Variants in DTNA observed in about 807,000 individuals in gnomAD.
DTNA encodes dystrobrevin alpha.
A neutral mutation model predicts 100.7 loss-of-function variants in DTNA; 43 were observed. The ratio of observed to expected loss-of-function variants is 0.43; its 90% CI spans 0.33 to 0.55. The LOEUF (loss-of-function observed/expected upper bound fraction) is 0.55, where lower values mean the gene tolerates loss of function less well. Among genes scored for constraint, DTNA ranks in the 20% least tolerant of loss-of-function variants. The probability of loss-of-function intolerance (pLI) is 0.04; values close to 1 mark genes in which losing one functional copy is unlikely to be tolerated. For synonymous variants in DTNA, 349 were observed against 347.9 expected, an observed-to-expected ratio of 1.00 and a Z score of -0.04; for missense variants, 798 against 953.9, an observed-to-expected ratio of 0.84 and a Z score of 2.15.
intron 1 of DTNA, among the ~76,000 whole-genome samples, chr18:34,712,572 A>T (rs1357100398): frequency 2.0e-5 from 3 of 152,182 alleles, no homozygotes; most frequent in Non-Finnish European, 2.9e-5. Flanking sequence ...TTTAACAGAG[A>T]TCACAAGATG....
chr18:34,802,685 T>C (rs1404401130), intron 4 of DTNA, among the ~76,000 whole-genome samples: 2 of 152,232 alleles, frequency 1.3e-5, no homozygotes, highest in African/African-American at 4.8e-5. Context: ...CTTTTCACTT[T>C]GGGTTTCATA....
chr18:34,695,277 T>C (rs1304408425), intron 1 of DTNA, among the ~76,000 whole-genome samples: 1 of 152,168 alleles, frequency 6.6e-6, no homozygotes, highest in African/African-American at 2.4e-5. Flanking sequence ...TGTGTAAAGT[T>C]GTAACTGCAA....
intron 1 of DTNA, among the ~76,000 whole-genome samples, chr18:34,572,180 A>T (rs1013104049): frequency 6.6e-6 from 1 of 152,192 alleles, no homozygotes; most frequent in Non-Finnish European, 1.5e-5. Flanking sequence ...ATTTAGATAA[A>T]CAGATGCTCA....
intron 1 of DTNA, among the ~76,000 whole-genome samples, chr18:34,734,150 G>A (rs1416175310): frequency 6.6e-6 from 1 of 152,138 alleles, no homozygotes; most frequent in Non-Finnish European, 1.5e-5. Flanking sequence ...TATAGGTCTA[G>A]AAGCAAACAG....
intron 1 of DTNA, among the ~76,000 whole-genome samples, chr18:34,590,213 G>C (rs1054681518): frequency 4.6e-5 from 7 of 152,068 alleles, no homozygotes; most frequent in African/African-American, 9.7e-5. Context: ...TTTGTCTGTA[G>C]AGCCCCTGTT....
At chr18:34,781,436 A>G (rs1350312407) in intron 3 of DTNA, among the ~76,000 whole-genome samples, 1 of 152,190 alleles carries the variant, frequency 6.6e-6, no homozygotes, top group Non-Finnish European at 1.5e-5. Context: ...TGAAATATAC[A>G]TTATTAACTT....
chr18:34,544,307 TTAAA>T (rs1423079563), intron 1 of DTNA, among the ~76,000 whole-genome samples: 1 of 152,018 alleles, frequency 6.6e-6, no homozygotes, highest in African/African-American at 2.4e-5. Context: ...AAGTCTATGA[TTAAA>T]TAAATATGTT....
chr18:34,879,294 TAA>T (rs1289494440), intron 19 of DTNA, among the ~76,000 whole-genome samples: 5 of 152,348 alleles, frequency 3.3e-5, no homozygotes, highest in East Asian at 1.9e-4. Flanking sequence ...CTTAAAGAGT[TAA>T]GTCAGTTACT....
intron 13 of DTNA, among the ~76,000 whole-genome samples, chr18:34,839,523 G>T (rs1245145640): frequency 6.6e-6 from 1 of 152,164 alleles, no homozygotes; most frequent in African/African-American, 2.4e-5. Flanking sequence ...ATTGGTTAAA[G>T]TTACTTGATA....
intron 3 of DTNA, among the ~76,000 whole-genome samples, chr18:34,784,375 G>A (rs1352876846): frequency 6.6e-6 from 1 of 152,106 alleles, no homozygotes; most frequent in East Asian, 1.9e-4. Flanking sequence ...AATTTCTCTG[G>A]TTCTAGGTCA....
intron 1 of DTNA, among the ~76,000 whole-genome samples, chr18:34,713,783 C>T (rs1400862983): frequency 6.6e-6 from 1 of 151,950 alleles, no homozygotes; most frequent in Non-Finnish European, 1.5e-5. Context: ...TGTTTGTATC[C>T]TCTTTTATTT....
chr18:34,586,236 C>T (rs1290946462), intron 1 of DTNA, among the ~76,000 whole-genome samples: 1 of 152,088 alleles, frequency 6.6e-6, no homozygotes. Context: ...TTGTCCCCAC[C>T]AAAACTCATG....
chr18:34,628,061 G>A (rs2057573988), intron 1 of DTNA, among the ~76,000 whole-genome samples: 1 of 152,126 alleles, frequency 6.6e-6, no homozygotes, highest in South Asian at 2.1e-4. Flanking sequence ...AAAGTGCTGG[G>A]ATTACAGGCA....
chr18:34,700,671 A>G (rs1483805595), intron 1 of DTNA, among the ~76,000 whole-genome samples: 1 of 152,136 alleles, frequency 6.6e-6, no homozygotes, highest in Admixed American at 6.5e-5. Flanking sequence ...CTGAAATCCT[A>G]CTAGGCTCAT....
intron 1 of DTNA, among the ~76,000 whole-genome samples, chr18:34,739,674 AATAG>A (rs2090274605): frequency 6.6e-6 from 1 of 152,190 alleles, no homozygotes; most frequent in South Asian, 2.1e-4. Flanking sequence ...GGCTCAAAGA[AATAG>A]ATCTCTAAAT....
chr18:34,741,058 G>A (rs17643304), intron 1 of DTNA, among the ~76,000 whole-genome samples: 9,186 of 152,144 alleles, frequency 0.06, 357 homozygotes, highest in Non-Finnish European at 0.082. Flanking sequence ...TTGTGTTCTC[G>A]TTCTCTGCGC....
At chr18:34,886,784 A>G (rs181663615) in intron 22 of DTNA, among the ~76,000 whole-genome samples, 2 of 152,358 alleles carry the variant, frequency 1.3e-5, no homozygotes, top group East Asian at 1.9e-4. Flanking sequence ...CTGTCATTCA[A>G]TCAGCCACAT....
intron 1 of DTNA, among the ~76,000 whole-genome samples, chr18:34,670,923 G>A (rs1051331481): frequency 3.7e-4 from 56 of 152,184 alleles, no homozygotes; most frequent in Non-Finnish European, 3.8e-4. Flanking sequence ...ACTCTGTACT[G>A]GGAGAACCAC....
chr18:34,520,489 C>G (rs1461541302), intron 1 of DTNA, among the ~76,000 whole-genome samples: 1 of 151,672 alleles, frequency 6.6e-6, no homozygotes, highest in Non-Finnish European at 1.5e-5. Flanking sequence ...CTGTCTCTAC[C>G]AAAAATACAA....
Sources: gnomAD v4.1 joint callset for allele counts (sites outside exome capture counted in the v4.1 genomes callset) on GRCh38, gnomAD v4.1.1 for gene constraint, MANE v1.5 for transcripts, NCBI Gene and HGNC (gene_info 2026-07-23, HGNC 2026-07-21) for gene names.